WAPL: variants seen among roughly 807,000 people sequenced by gnomAD.
The protein encoded by WAPL is WAPL cohesin release factor.
A neutral mutation model predicts 121.0 loss-of-function variants in WAPL; 5 were observed. The ratio of observed to expected loss-of-function variants is 0.04; its 90% CI spans 0.02 to 0.09. The LOEUF is 0.09. WAPL is among the 10% of genes least tolerant of loss of function. The pLI is 1.00. For synonymous variants in WAPL, 480 were observed against 481.5 expected (o/e 1.00, Z 0.04); for missense variants, 999 against 1,410.8 (o/e 0.71, Z 4.68).
Position 86,482,541 on chromosome 10 carries a change from G to A in WAPL, c.1645-8568C>T, listed in dbSNP as rs116089803. ...CCACTAAAGAGAATCATTACTCCTC[G>A]GAGAATGGACCTGATCCCGAGCCTA... On this transcript the variant is annotated intron_variant, in intron 4 of 18. Coordinates refer to ENST00000298767, the MANE Select transcript of WAPL (RefSeq NM_015045.5). 6.4e-3 allele frequency among the ~76,000 whole-genome samples: 970 copies of A among 152,228 alleles called. 5 individuals are homozygous for A. The highest frequency in any genetic ancestry group is 0.02 in the African/African-American group (845 of 41,536).
intron 2 of WAPL, among the ~76,000 whole-genome samples, chr10:86,509,714 A>G (rs1246805233): frequency 6.6e-6 from 1 of 151,984 alleles, no homozygotes; most frequent in East Asian, 1.9e-4. Flanking sequence ...TAAAGGCACA[A>G]GTGCTGGAAA....
At chr10:86,511,633 G>C (rs186170963) in intron 2 of WAPL, among the ~76,000 whole-genome samples, 20 of 152,242 alleles carry the variant, frequency 1.3e-4, no homozygotes, top group African/African-American at 4.8e-4. Context: ...TGTAAAAGTA[G>C]GAATTTAAGA....
chr10:86,455,434 A>C (rs1841118525), intron 12 of WAPL, among the ~76,000 whole-genome samples: 1 of 152,122 alleles, frequency 6.6e-6, no homozygotes, highest in Non-Finnish European at 1.5e-5. Context: ...GGTTAAATGG[A>C]TTAAGGGCAG....
At chr10:86,463,580 T>C (rs758027847) in intron 9 of WAPL, among the ~76,000 whole-genome samples, 1 of 152,184 alleles carries the variant, frequency 6.6e-6, no homozygotes, top group Non-Finnish European at 1.5e-5. Context: ...GCTATACAAT[T>C]TGTGTTTTAA....
intron 9 of WAPL, 119 bp downstream of exon 9, chr10:86,467,160 C>T: frequency 1.1e-6 from 1 of 914,812 alleles, no homozygotes; most frequent in Non-Finnish European, 1.6e-6. Context: ...AGAAATTTGC[C>T]AAACTGTAAA....
chr10:86,441,271 T>C (rs1286442291), intron 17 of WAPL, among the ~76,000 whole-genome samples: 3 of 152,198 alleles, frequency 2.0e-5, no homozygotes, highest in Non-Finnish European at 2.9e-5. Flanking sequence ...AGTTTTACCC[T>C]TCATATTTGT....
chr10:86,510,224 G>A (rs1207564615), intron 2 of WAPL, among the ~76,000 whole-genome samples: 2 of 151,558 alleles, frequency 1.3e-5, no homozygotes, highest in Non-Finnish European at 2.9e-5. Flanking sequence ...ATAGGCACAC[G>A]CCACCACGCC....
intron 8 of WAPL, among the ~76,000 whole-genome samples, chr10:86,470,766 A>G (rs1841517523): frequency 6.6e-6 from 1 of 152,256 alleles, no homozygotes; most frequent in Non-Finnish European, 1.5e-5. Flanking sequence ...TACAATTTTA[A>G]AAGTATAAAA....
chr10:86,446,182 G>GA, intron 16 of WAPL, 60 bp downstream of exon 16: 15 of 1,587,744 alleles, frequency 9.4e-6, no homozygotes, highest in Non-Finnish European at 1.2e-5. Context: ...ATAGTTTGAA[G>GA]AAAAAAACAA....
At chr10:86,488,516 T>A (rs771839861) in intron 4 of WAPL, 1 of 152,206 alleles carries the variant, frequency 6.6e-6, no homozygotes, top group Non-Finnish European at 1.5e-5. Flanking sequence ...TGCACAAGGA[T>A]GACACACAAA....
At chr10:86,495,376 A>C (rs1242457364) in intron 4 of WAPL, among the ~76,000 whole-genome samples, 2 of 152,062 alleles carry the variant, frequency 1.3e-5, no homozygotes, top group Non-Finnish European at 2.9e-5. Flanking sequence ...CTGAGGTGGG[A>C]GATCACCTGA....
In WAPL at chr10:86,500,180, T is replaced by G; in HGVS notation, c.1063A>C (p.Thr355Pro). Reference protein sequence around the residue: ...GTSFRGTVGRTRDYTVLHPSC... With the variant: ...GTSFRGTVGRPRDYTVLHPSC... Reference sequence around the variant, plus strand: ...GGATGTAAAACAGTGTAATCTCTAGTCCGTCCAACTGTCCCTCTAAAACTG... The same window carrying G: ...GGATGTAAAACAGTGTAATCTCTAGGCCGTCCAACTGTCCCTCTAAAACTG... Residue 355 changes from threonine (T) to proline (P), a missense_variant, in exon 3 of 19, where the codon ACT (threonine) becomes CCT (proline). Thr to Pro is a conservative substitution (Grantham distance 38, BLOSUM62 -1). Coordinates refer to ENST00000298767, the MANE Select transcript of WAPL (RefSeq NM_015045.5). 6.2e-7 allele frequency: 1 copy of G among 1,614,202 alleles called. No homozygotes were observed. Among genetic ancestry groups the G allele is most frequent in the Non-Finnish European group, 8.5e-7 (1 of 1,180,040 alleles).
chr10:86,467,538 A>C (rs759720299), intron 8 of WAPL, 32 bp from the exon 9 acceptor site: 18 of 1,533,378 alleles, frequency 1.2e-5, no homozygotes, highest in Non-Finnish European at 1.5e-5. Context: ...AAAGAAAAAA[A>C]ACTTCATGTA....
At chr10:86,474,251 CA>C (rs1180760086) in intron 4 of WAPL, among the ~76,000 whole-genome samples, 1 of 152,126 alleles carries the variant, frequency 6.6e-6, no homozygotes, top group Non-Finnish European at 1.5e-5. Flanking sequence ...TGGTGGCTCA[CA>C]CCTGCAATCC....
chr10:86,460,527 AT>A, intron 10 of WAPL, 31 bp from the exon 11 acceptor site: 8 of 1,566,320 alleles, frequency 5.1e-6, no homozygotes, highest in Non-Finnish European at 6.1e-6. Flanking sequence ...GTAAGTTAGT[AT>A]TTATCATCGA....
intron 4 of WAPL, among the ~76,000 whole-genome samples, chr10:86,484,377 C>T (rs775500496): frequency 9.9e-5 from 15 of 152,068 alleles, no homozygotes; most frequent in Non-Finnish European, 1.6e-4. Flanking sequence ...CACCTGTAGT[C>T]CCAGCTACTA....
Position 86,438,035 on chromosome 10 carries a change from A to T in WAPL, c.3412-20T>A, listed in dbSNP as rs1249295481. 6.3e-7 allele frequency: 1 copy of T among 1,580,332 alleles called. No homozygotes were observed. Among genetic ancestry groups the T allele is most frequent in the South Asian group, 1.1e-5 (1 of 89,078 alleles). Reference sequence around the variant, plus strand: ...ATTGATCTGAGGAAACAGAGCAAGAAATATTGGTCAGCTGGCAGAAAACAT... The same window carrying T: ...ATTGATCTGAGGAAACAGAGCAAGATATATTGGTCAGCTGGCAGAAAACAT... On this transcript the variant is annotated intron_variant, in intron 17 of 18. Transcript: ENST00000298767.
chr10:86,438,137 GTTAT>G lies in WAPL; in HGVS notation c.3412-126_3412-123del, dbSNP rs549003149. On this transcript the variant is annotated intron_variant, in intron 17 of 18. Coordinates refer to ENST00000298767, the MANE Select transcript of WAPL (RefSeq NM_015045.5). ...ATTTTTAAGATCCTTGGAACACGTG[GTTAT>G]TTATTCTCTTTCCACACTCACTCTG... 199 of 619,300 alleles carry G rather than the reference GTTAT, an allele frequency of 3.2e-4. 2 individuals are homozygous for G. Among genetic ancestry groups the G allele is most frequent in the African/African-American group, 2.8e-3 (153 of 54,664 alleles). The allele number at this position is 619,300 out of a possible 1,614,324, so 38.4% of individuals were successfully genotyped here.
chr10:86,498,929 T>G (rs80106644), intron 3 of WAPL, among the ~76,000 whole-genome samples: 2 of 152,232 alleles, frequency 1.3e-5, no homozygotes, highest in East Asian at 3.9e-4. Flanking sequence ...CTTAGGAGGG[T>G]TTGAGAGTGT....
Sources: gnomAD v4.1 joint callset for allele counts (sites outside exome capture counted in the v4.1 genomes callset) on GRCh38, gnomAD v4.1.1 for gene constraint, MANE v1.5 for transcripts, NCBI Gene and HGNC (gene_info 2026-07-23, HGNC 2026-07-21) for gene names.